Variants in HSPA4 observed in about 807,000 individuals in gnomAD.
The protein encoded by HSPA4 is heat shock 70 kDa protein 4.
In HSPA4, 25 loss-of-function variants were observed where a neutral mutation model predicts 106.2. The ratio of observed to expected loss-of-function variants is 0.24; its 90% confidence interval spans 0.17 to 0.33. The LOEUF is 0.33. HSPA4 is among the 10% of genes least tolerant of loss of function. The pLI, the probability that HSPA4 is intolerant of heterozygous loss-of-function variation, is 1.00. For missense variants in HSPA4, 841 were observed against 996.0 expected, an observed-to-expected ratio of 0.84 and a Z score of 2.10; for synonymous variants, 332 against 333.6, an observed-to-expected ratio of 1.00 and a Z score of 0.05.
At chr5:133,071,935 T>A in intron 4 of HSPA4, among the ~76,000 whole-genome samples, 1 of 152,174 alleles carries the variant, frequency 6.6e-6, no homozygotes, top group Non-Finnish European at 1.5e-5. Context: ...TCTTAGATGT[T>A]TCCTACCTTT....
chr5:133,059,462 A>T (rs1287659381), intron 1 of HSPA4, among the ~76,000 whole-genome samples: 4 of 151,686 alleles, frequency 2.6e-5, no homozygotes, highest in Non-Finnish European at 5.9e-5. Context: ...AAAAAAAAAA[A>T]ATTAGCTAGG....
intron 3 of HSPA4, 135 bp from the exon 4 acceptor site, chr5:133,070,239 C>CTTTTTTT (rs113739155): frequency 1.6e-6 from 1 of 628,400 alleles, no homozygotes; most frequent in Non-Finnish European, 2.5e-6. Context: ...CGAAAACTAG[C>CTTTTTTT]TTTTTTTTTT....
At chr5:133,080,673 T>C (rs1765503650) in intron 7 of HSPA4, among the ~76,000 whole-genome samples, 1 of 151,798 alleles carries the variant, frequency 6.6e-6, no homozygotes, top group Non-Finnish European at 1.5e-5. Flanking sequence ...ATCTTACATA[T>C]ATATATATTT....
At chr5:133,064,845 TAGAA>T (rs1413137237) in intron 1 of HSPA4, 131 bp from the exon 2 acceptor site, 1 of 780,016 alleles carries the variant, frequency 1.3e-6, no homozygotes, top group African/African-American at 1.7e-5. Flanking sequence ...ATTTACTCAA[TAGAA>T]AGGTCAAAAT....
In HSPA4 at chr5:133,076,677, G is replaced by A. The variant is rs751904979; in HGVS notation, c.687G>A (p.Thr229=). The part of the protein sequence containing the change: ...KLKVLATAFD[T]TLGGRKFDEV... Reference sequence around the variant, plus strand: ...AGGTTCTGGCCACTGCATTTGACACGACATTGGGAGGTAGAAAATTTGATG... The same window carrying A: ...AGGTTCTGGCCACTGCATTTGACACAACATTGGGAGGTAGAAAATTTGATG... Residue 229 remains threonine (T), a synonymous_variant, in exon 7 of 19, where the codon ACG becomes ACA. Transcript: ENST00000304858. 1.9e-6 allele frequency: 3 copies of A among 1,613,346 alleles called. No individual in the cohort carries two copies. Among genetic ancestry groups the A allele is most frequent in the Non-Finnish European group, 2.5e-6 (3 of 1,179,550 alleles).
chr5:133,064,565 A>T (rs1415820301), intron 1 of HSPA4, among the ~76,000 whole-genome samples: 1 of 152,152 alleles, frequency 6.6e-6, no homozygotes. Context: ...TTACTTATTT[A>T]ATAGGGCGAG....
At chr5:133,071,460 C>T (rs138682155) in intron 4 of HSPA4, among the ~76,000 whole-genome samples, 9 of 147,452 alleles carry the variant, frequency 6.1e-5, no homozygotes, top group South Asian at 2.1e-4. Context: ...AAAACTTATC[C>T]AAAAAACAAA....
chr5:133,104,579 G>C lies in HSPA4; in HGVS notation c.*143G>C. 1 of 668,314 alleles carries C rather than the reference G, an allele frequency of 1.5e-6. No homozygotes were observed. The allele number at this position is 668,314 out of a possible 1,614,324, so 41.4% of individuals were successfully genotyped here. ...TTTTCGGGGAGGGGAAATAGGTAAT[G>C]TATGGAGCATTTTCACTTCTAAATA... On this transcript the variant is annotated 3_prime_UTR_variant, in exon 19 of 19. Transcript: ENST00000304858.
At chr5:133,071,478 C>T (rs1289510323) in intron 4 of HSPA4, among the ~76,000 whole-genome samples, 1 of 152,046 alleles carries the variant, frequency 6.6e-6, no homozygotes. Context: ...AAAGACATGG[C>T]AGCAGTTGAC....
In HSPA4 at chr5:133,052,167, C is replaced by T. The variant is rs888757514; in HGVS notation, c.-84C>T. On this transcript the variant is annotated 5_prime_UTR_variant, in exon 1 of 19. Transcript: ENST00000304858. ...CAGTAGCCTCGGCCCAAGAGGCCTG[C>T]TTTCCACTCGCTAGCCCCGCCGGGG... is the stretch of plus-strand genomic sequence containing the variant. 1.1e-5 allele frequency: 10 copies of T among 944,980 alleles called. No homozygotes were observed. The highest frequency in any genetic ancestry group is 2.6e-5 in the East Asian group (1 of 38,030). The allele number at this position is 944,980 out of a possible 1,614,324, so 58.5% of individuals were successfully genotyped here. A position where few individuals can be genotyped will look rare whatever the true frequency, so the allele number is the denominator to read the frequency against.
intron 7 of HSPA4, among the ~76,000 whole-genome samples, chr5:133,084,479 T>C (rs544335931): frequency 1.3e-5 from 2 of 151,724 alleles, no homozygotes; most frequent in Non-Finnish European, 2.9e-5. Context: ...TTTACTATTC[T>C]TTTTTTTTGA....
At chr5:133,053,902 C>T (rs1321087748) in intron 1 of HSPA4, among the ~76,000 whole-genome samples, 4 of 151,918 alleles carry the variant, frequency 2.6e-5, no homozygotes, top group African/African-American at 9.7e-5. Context: ...TCAAGTGATC[C>T]TCCCGCCTCG....
rs1250202844 is a variant in HSPA4 at position 133,052,075 on chromosome 5, A to G, written c.-176A>G. ...CGGCCACTGAGCCGGAGCCGGCCTG[A>G]GCAGCGCTCTCGGTTGCAGTACCCA... On this transcript the variant is annotated 5_prime_UTR_variant, in exon 1 of 19. Transcript: ENST00000304858. 3.5e-6 allele frequency: 2 copies of G among 565,998 alleles called. No individual in the cohort carries two copies. The highest frequency in any genetic ancestry group is 6.3e-6 in the Non-Finnish European group (2 of 319,096). The allele number at this position is 565,998 out of a possible 1,614,324, so 35.1% of individuals were successfully genotyped here.
At chr5:133,082,761 G>A (rs1252477415) in intron 7 of HSPA4, among the ~76,000 whole-genome samples, 1 of 152,092 alleles carries the variant, frequency 6.6e-6, no homozygotes, top group Non-Finnish European at 1.5e-5. Context: ...TCACCCGGAC[G>A]GGAATTATAT....
chr5:133,089,753 A>T, intron 11 of HSPA4, 58 bp downstream of exon 11: 1 of 1,335,304 alleles, frequency 7.5e-7, no homozygotes, highest in Non-Finnish European at 1.0e-6. Context: ...GTGGCTCACA[A>T]CTGTAATCCC....
Position 133,088,510 on chromosome 5 carries a change from A to C in HSPA4, c.1092A>C (p.Thr364=), listed in dbSNP as rs201008870. The C allele has an allele frequency of 6.2e-7, 1 of 1,614,072 alleles. No homozygotes were observed. Among genetic ancestry groups the C allele is most frequent in the East Asian group, 2.2e-5 (1 of 44,884 alleles). Reference sequence around the variant, plus strand: ...AATTTTTCGGTAAAGAACTTAGTACAACATTAAATGCTGATGAAGCTGTCA... The same window carrying C: ...AATTTTTCGGTAAAGAACTTAGTACCACATTAAATGCTGATGAAGCTGTCA... ...ISKFFGKELS[T]TLNADEAVTR... The change falls in exon 9 of 19, where the codon ACA becomes ACC. Residue 364 remains threonine (T), a synonymous_variant. Transcript: ENST00000304858.
At chr5:133,091,512 C>T in intron 12 of HSPA4, 138 bp downstream of exon 12, 1 of 601,598 alleles carries the variant, frequency 1.7e-6, no homozygotes, top group South Asian at 2.4e-5. Context: ...TTTGCCCTTC[C>T]CCCAATATAA....
rs772294589 is a variant in HSPA4 at position 133,089,125 on chromosome 5, C to T, written c.1208C>T (p.Ser403Phe). Residue 403 changes from serine to phenylalanine, a missense_variant, in exon 10 of 19, where the codon TCT (serine) becomes TTT (phenylalanine). Physicochemically the swap from Ser to Phe is radical, Grantham distance 155. This residue lies in a region of HSPA4 where 162 missense variants were observed against 177.7 expected (regional missense o/e 0.91). Coordinates refer to ENST00000304858, the MANE Select transcript of HSPA4 (RefSeq NM_002154.4). ...SITDVVPYPI[S>F]LRWNSPAEEG... ...ACTGATGTAGTACCATATCCAATAT[C>T]TCTGAGATGGAATTCTCCAGCTGAA... 3.1e-6 allele frequency: 5 copies of T among 1,601,002 alleles called. No homozygotes were observed. Among genetic ancestry groups the T allele is most frequent in the Non-Finnish European group, 4.3e-6 (5 of 1,172,778 alleles).
chr5:133,099,121 C>T (rs1309677690), intron 15 of HSPA4, among the ~76,000 whole-genome samples: 1 of 151,940 alleles, frequency 6.6e-6, no homozygotes, highest in Non-Finnish European at 1.5e-5. Context: ...TCTCCTTACT[C>T]CCCCTGTATC....
Sources: gnomAD v4.1 joint callset for allele counts (sites outside exome capture counted in the v4.1 genomes callset) on GRCh38, gnomAD v4.1.1 for gene constraint, gnomAD v4.1.1 regional missense constraint, MANE v1.5 for transcripts, NCBI Gene and HGNC (gene_info 2026-07-23, HGNC 2026-07-21) for gene names.